Variants in PTPN12 observed in about 807,000 individuals in gnomAD.
PTPN12 encodes tyrosine-protein phosphatase non-receptor type 12.
A neutral mutation model predicts 97.6 loss-of-function variants in PTPN12; 29 were observed. The observed-to-expected ratio is 0.30, with a 90% CI of 0.22 to 0.41. The LOEUF (loss-of-function observed/expected upper bound fraction) is 0.41. Among genes scored for constraint, PTPN12 ranks in the 10% least tolerant of loss-of-function variants. PTPN12 has a pLI of 1.00. For synonymous variants in PTPN12, 327 were observed against 300.4 expected (o/e 1.09, Z -0.91); for missense variants, 819 against 926.0 (o/e 0.88, Z 1.50).
chr7:77,561,414 G>A (rs1188705965), intron 1 of PTPN12, among the ~76,000 whole-genome samples: 2 of 152,156 alleles, frequency 1.3e-5, no homozygotes, highest in Non-Finnish European at 2.9e-5. Flanking sequence ...GTAATAAAGG[G>A]AAAAATGAAA....
At chr7:77,558,760 A>G (rs1222748139) in intron 1 of PTPN12, among the ~76,000 whole-genome samples, 1 of 152,172 alleles carries the variant, frequency 6.6e-6, no homozygotes, top group East Asian at 1.9e-4. Flanking sequence ...CAGTGGCTCA[A>G]TTGTGTAATC....
At chr7:77,580,028 A>C (rs1198519178) in intron 2 of PTPN12, among the ~76,000 whole-genome samples, 1 of 152,268 alleles carries the variant, frequency 6.6e-6, no homozygotes, top group Non-Finnish European at 1.5e-5. Flanking sequence ...ACCCTACAGC[A>C]ATGCTGGTAA....
intron 11 of PTPN12, among the ~76,000 whole-genome samples, chr7:77,612,725 C>A (rs1415703517): frequency 1.3e-5 from 2 of 151,808 alleles, no homozygotes; most frequent in Admixed American, 6.6e-5. Flanking sequence ...GCATGAGCCA[C>A]CGCGCCCGGC....
At chr7:77,570,363 G>T (rs1488697929) in intron 1 of PTPN12, among the ~76,000 whole-genome samples, 1 of 152,050 alleles carries the variant, frequency 6.6e-6, no homozygotes, top group East Asian at 1.9e-4. Context: ...ATGTCTTGAG[G>T]CCTGAAAGAA....
intron 7 of PTPN12, among the ~76,000 whole-genome samples, chr7:77,600,411 A>G (rs1459945965): frequency 2.0e-5 from 3 of 152,188 alleles, no homozygotes; most frequent in Admixed American, 6.6e-5. Context: ...TTTTATCTGT[A>G]TATCTCAGTT....
At chr7:77,557,214 G>C (rs553708128) in intron 1 of PTPN12, among the ~76,000 whole-genome samples, 30 of 152,202 alleles carry the variant, frequency 2.0e-4, no homozygotes, top group African/African-American at 7.0e-4. Context: ...AGGTCCTCCC[G>C]CTTCCACCTC....
chr7:77,614,873 G>C (rs996678019), intron 11 of PTPN12, among the ~76,000 whole-genome samples: 17 of 152,156 alleles, frequency 1.1e-4, no homozygotes, highest in Non-Finnish European at 2.4e-4. Flanking sequence ...ATCGGTAAAA[G>C]TTTTGTTTAA....
chr7:77,562,969 AAAG>A (rs1213435239), intron 1 of PTPN12, among the ~76,000 whole-genome samples: 2 of 151,990 alleles, frequency 1.3e-5, no homozygotes, highest in Non-Finnish European at 2.9e-5. Flanking sequence ...AAAAAAAAAA[AAAG>A]AACAGCCTTG....
At chr7:77,586,234 G>A (rs188440621) in intron 5 of PTPN12, among the ~76,000 whole-genome samples, 8 of 152,136 alleles carry the variant, frequency 5.3e-5, no homozygotes, top group Non-Finnish European at 1.5e-5. Flanking sequence ...GATTATAGAC[G>A]TGAGCCACTG....
chr7:77,562,382 A>T (rs1200373829), intron 1 of PTPN12, among the ~76,000 whole-genome samples: 1 of 152,074 alleles, frequency 6.6e-6, no homozygotes, highest in Admixed American at 6.6e-5. Context: ...ATACTATGAG[A>T]TAATGAGATT....
rs11341609 is a variant in PTPN12, at chr7:77,582,084, C to CTTTTTTTTTTTTT, written c.285+597_285+609dup. ...CCCTTTGATGAAAAGCAGTCAAGTT[C>CTTTTTTTTTTTTT]TTTTTTTTTTTTTTTTTTTTTTTTT... On this transcript the variant is annotated intron_variant, in intron 3 of 17. Transcript: ENST00000248594. 3.5e-3 allele frequency among the ~76,000 whole-genome samples: 184 copies of CTTTTTTTTTTTTT among 52,870 alleles called. 36 individuals carry two copies. Among genetic ancestry groups the CTTTTTTTTTTTTT allele is most frequent in the Non-Finnish European group, 4.4e-3 (132 of 30,314 alleles). The allele number at this position is 52,870 out of a possible 152,430, so 34.7% of individuals were successfully genotyped here.
intron 12 of PTPN12, among the ~76,000 whole-genome samples, chr7:77,625,230 A>G (rs62473720): frequency 0.21 from 32,501 of 151,634 alleles, 4,569 homozygotes; most frequent in Non-Finnish European, 0.31. Context: ...TGGGCAACAT[A>G]GTAAACCCTA....
chr7:77,630,759 G>C (rs1288294299), intron 13 of PTPN12, among the ~76,000 whole-genome samples: 1 of 152,038 alleles, frequency 6.6e-6, no homozygotes, highest in African/African-American at 2.4e-5. Flanking sequence ...TCTTGACTTA[G>C]GCCTCCTGAA....
chr7:77,635,985 A>G (rs1789575868), intron 15 of PTPN12, 136 bp downstream of exon 15: 1 of 555,106 alleles, frequency 1.8e-6, no homozygotes, highest in African/African-American at 1.9e-5. Context: ...CATTTCTTAT[A>G]CTAAGATTTC....
chr7:77,552,651 C>T (rs553998238), intron 1 of PTPN12, among the ~76,000 whole-genome samples: 40 of 151,980 alleles, frequency 2.6e-4, no homozygotes, highest in African/African-American at 7.5e-4. Context: ...AGGGTGTAAA[C>T]GAAGGAATGT....
chr7:77,634,927 G>A lies in PTPN12; in HGVS notation c.2075-855G>A, dbSNP rs141779827. Among the ~76,000 whole-genome samples the A allele has an allele frequency of 1.2e-3, 185 of 152,136 alleles. 1 individual carries two copies. Among genetic ancestry groups the A allele is most frequent in the African/African-American group, 4.0e-3 (168 of 41,508 alleles). ...GTTCCACTCTGTCACTCAGGCTGGA[G>A]TGCAGTGGCACGATCTGGGCTCAAG... On this transcript the variant is annotated intron_variant, in intron 14 of 17. Transcript: ENST00000248594.
intron 6 of PTPN12, among the ~76,000 whole-genome samples, chr7:77,596,937 G>GGGTTTGAA (rs1189768797): frequency 1.3e-5 from 2 of 152,056 alleles, no homozygotes; most frequent in Non-Finnish European, 2.9e-5. Flanking sequence ...TACATTCTGT[G>GGGTTTGAA]GGTTTGAAGA....
intron 6 of PTPN12, among the ~76,000 whole-genome samples, chr7:77,595,750 G>A (rs1157461721): frequency 6.6e-6 from 1 of 151,922 alleles, no homozygotes; most frequent in Non-Finnish European, 1.5e-5. Context: ...AATTAAAGCA[G>A]GTATAATAGT....
At chr7:77,573,901 C>T (rs188068260) in intron 2 of PTPN12, among the ~76,000 whole-genome samples, 1 of 152,316 alleles carries the variant, frequency 6.6e-6, no homozygotes, top group Admixed American at 6.5e-5. Context: ...GCTGGGATTA[C>T]AGGCACCCGC....
Sources: allele counts gnomAD v4.1 joint callset (sites outside exome capture counted in the v4.1 genomes callset), GRCh38; gene constraint gnomAD v4.1.1; transcripts MANE v1.5; gene names NCBI Gene and HGNC (gene_info 2026-07-23, HGNC 2026-07-21).